ZBBX: variants seen among roughly 807,000 people sequenced by gnomAD.
ZBBX encodes the protein zinc finger B-box domain-containing protein 1.
In ZBBX, 101 loss-of-function variants were observed where a neutral mutation model predicts 108.5. That is an observed-to-expected ratio of 0.93 (90% confidence interval 0.79 to 1.10). The LOEUF (loss-of-function observed/expected upper bound fraction) is 1.10. Ranked by LOEUF, ZBBX falls within the 50% of genes least tolerant of loss-of-function variation. The probability of loss-of-function intolerance (pLI) is 0.00; values close to 1 mark genes in which losing one functional copy is unlikely to be tolerated. For missense variants in ZBBX, 1,009 were observed against 941.4 expected, an observed-to-expected ratio of 1.07 and a Z score of -0.94; for synonymous variants, 356 against 323.4, an observed-to-expected ratio of 1.10 and a Z score of -1.08.
chr3:167,326,294 T>A (rs934915907), intron 11 of ZBBX, among the ~76,000 whole-genome samples: 1 of 152,244 alleles, frequency 6.6e-6, no homozygotes, highest in South Asian at 2.1e-4. Context: ...GTTACCTCAT[T>A]TTTTTGTGTG....
chr3:167,245,787 G>T (rs144977537), intron 20 of ZBBX, among the ~76,000 whole-genome samples: 1 of 151,678 alleles, frequency 6.6e-6, no homozygotes, highest in Non-Finnish European at 1.5e-5. Flanking sequence ...CATGCTTCCC[G>T]TGCACTCTGC....
At chr3:167,258,683 G>T (rs1723943896) in intron 20 of ZBBX, among the ~76,000 whole-genome samples, 1 of 152,054 alleles carries the variant, frequency 6.6e-6, no homozygotes, top group African/African-American at 2.4e-5. Context: ...TAATCATAAA[G>T]GGATGCTGGA....
At chr3:167,336,030 G>A (rs945160111) in intron 9 of ZBBX, among the ~76,000 whole-genome samples, 2 of 151,666 alleles carry the variant, frequency 1.3e-5, no homozygotes, top group Non-Finnish European at 2.9e-5. Flanking sequence ...CTAGAATAAA[G>A]GTCTGTAGAT....
chr3:167,308,530 T>C (rs192612694), intron 16 of ZBBX, among the ~76,000 whole-genome samples: 1 of 152,302 alleles, frequency 6.6e-6, no homozygotes, highest in East Asian at 1.9e-4. Context: ...GCAGCACTAT[T>C]TATAATAGCA....
intron 4 of ZBBX, among the ~76,000 whole-genome samples, chr3:167,370,835 C>T (rs1027913046): frequency 6.6e-6 from 1 of 151,850 alleles, no homozygotes; most frequent in Non-Finnish European, 1.5e-5. Flanking sequence ...ATGTATGTTG[C>T]CTATATAGAA....
At chr3:167,347,699 C>T (rs1210367273) in intron 9 of ZBBX, among the ~76,000 whole-genome samples, 1 of 151,952 alleles carries the variant, frequency 6.6e-6, no homozygotes, top group Non-Finnish European at 1.5e-5. Flanking sequence ...ATAGGTTTAG[C>T]TCCCAGCACA....
Position 167,330,284 on chromosome 3 carries a change from G to C in ZBBX, c.688-2168C>G, listed in dbSNP as rs189912921. Among the ~76,000 whole-genome samples, 591 of 151,996 alleles carry C rather than the reference G, an allele frequency of 3.9e-3. 2 individuals carry two copies. Among genetic ancestry groups the C allele is most frequent in the Non-Finnish European group, 6.4e-3 (432 of 67,966 alleles). The stretch of plus-strand genomic sequence containing the variant: ...TAAAAAATACATACAAAACCAGAAG[G>C]GTTGCCTGACTCCTAGAAGAGAATG... On this transcript the variant is annotated intron_variant, in intron 10 of 21. Transcript: ENST00000675490.
At chr3:167,251,940 A>C (rs923573365) in intron 20 of ZBBX, among the ~76,000 whole-genome samples, 9 of 151,460 alleles carry the variant, frequency 5.9e-5, no homozygotes, top group Admixed American at 2.6e-4. Flanking sequence ...ACACACACAC[A>C]CACACACACA....
chr3:167,197,320 C>A, the ZBBX span, among the ~76,000 whole-genome samples: 1 of 152,120 alleles, frequency 6.6e-6, no homozygotes, highest in Admixed American at 6.5e-5. Flanking sequence ...GGGCAGATCA[C>A]GAGGTCAGAA....
chr3:167,210,449 G>C, the ZBBX span, among the ~76,000 whole-genome samples: 1 of 152,160 alleles, frequency 6.6e-6, no homozygotes, highest in African/African-American at 2.4e-5. Context: ...AGAATTATTT[G>C]ACTTACAGGG....
In ZBBX at chr3:167,305,750, C is replaced by G; in HGVS notation, c.1618G>C (p.Ala540Pro). The stretch of plus-strand genomic sequence containing the variant: ...TGAGATAATTTCTCCTCAATGGGAG[C>G]TTTTTCTAAATCTCTACCTAGCAAA... ...DTLLGRDLEK[A>P]PIEEKLSQDI... is the part of the protein sequence containing the mutation. The change falls in exon 17 of 22, where the codon GCT becomes CCT. Residue 540 changes from alanine (A) to proline (P), a missense_variant. Ala to Pro is a conservative substitution (Grantham distance 27, BLOSUM62 -1). Transcript: ENST00000675490. 6.2e-7 allele frequency: 1 copy of G among 1,612,502 alleles called. No homozygotes were observed. Among genetic ancestry groups the G allele is most frequent in the Non-Finnish European group, 8.5e-7 (1 of 1,179,360 alleles).
intron 19 of ZBBX, among the ~76,000 whole-genome samples, chr3:167,283,306 T>TAG (rs1483519627): frequency 1.5e-4 from 23 of 152,182 alleles, no homozygotes; most frequent in African/African-American, 5.5e-4. Context: ...AAATATTACT[T>TAG]AATAAGGCCA....
chr3:167,331,684 C>A (rs1429681079), intron 10 of ZBBX: 2 of 936,696 alleles, frequency 2.1e-6, no homozygotes, highest in African/African-American at 1.8e-5. Flanking sequence ...ATGACCTTGC[C>A]CAATGCTAAA....
intron 8 of ZBBX, among the ~76,000 whole-genome samples, chr3:167,352,883 T>C (rs992473397): frequency 6.6e-6 from 1 of 152,098 alleles, no homozygotes; most frequent in Non-Finnish European, 1.5e-5. Flanking sequence ...CTATATCATA[T>C]CTCATTAGAT....
At chr3:167,189,458 A>C in the ZBBX span, among the ~76,000 whole-genome samples, 1 of 152,084 alleles carries the variant, frequency 6.6e-6, no homozygotes, top group Non-Finnish European at 1.5e-5. Flanking sequence ...AAGTATGCTT[A>C]AGTGAATGCT....
At position 167,392,826 on chromosome 3, in the gene ZBBX, G is replaced by C. The variant is rs543586492; in HGVS notation, c.-445-12421C>G. On this transcript the variant is annotated intron_variant, in intron 1 of 21. Coordinates refer to the ZBBX transcript ENST00000455345. ...GGATGTTAATGCTATTAACTGATTTGACATGTTGAATTTGAGATGTTAGAC... is the reference window on the plus strand; with the variant it reads ...GGATGTTAATGCTATTAACTGATTTCACATGTTGAATTTGAGATGTTAGAC... The C allele has an allele frequency of 8.6e-5, 13 of 151,956 alleles. No individual in the cohort carries two copies. In the South Asian group the frequency reaches 2.5e-3, roughly 29 times the overall value. 9.4% of individuals were successfully genotyped at this position (151,956 alleles called of 1,614,324 possible).
At position 167,369,025 on chromosome 3, in the gene ZBBX, C is replaced by T. The variant is rs538321512; in HGVS notation, c.69-451G>A. On this transcript the variant is annotated intron_variant, in intron 4 of 21. Transcript: ENST00000675490. Reference sequence around the variant, plus strand: ...TCACCTCCAAAATTTTAAATCTCTACCTTTATGTCATATATGTATGATGAG... The same window carrying T: ...TCACCTCCAAAATTTTAAATCTCTATCTTTATGTCATATATGTATGATGAG... Among the ~76,000 whole-genome samples the T allele has an allele frequency of 3.9e-5, 6 of 152,250 alleles. No homozygotes were observed. The South Asian group carries it at 1.2e-3, about 32-fold the overall frequency.
At chr3:167,315,342 G>C (rs1311162668) in intron 15 of ZBBX, among the ~76,000 whole-genome samples, 1 of 152,028 alleles carries the variant, frequency 6.6e-6, no homozygotes, top group Non-Finnish European at 1.5e-5. Flanking sequence ...AGCTCTTTTA[G>C]TCTCTCAGCC....
chr3:167,208,916 G>T, the ZBBX span, among the ~76,000 whole-genome samples: 1 of 152,186 alleles, frequency 6.6e-6, no homozygotes, highest in African/African-American at 2.4e-5. Flanking sequence ...ACCTGCCCTG[G>T]ACCAGAAGAG....
Sources: gnomAD v4.1 joint callset for allele counts (sites outside exome capture counted in the v4.1 genomes callset) on GRCh38, gnomAD v4.1.1 for gene constraint, MANE v1.5 for transcripts, NCBI Gene and HGNC (gene_info 2026-07-23, HGNC 2026-07-21) for gene names.